MACROD2: variants seen among roughly 807,000 people sequenced by gnomAD.
MACROD2 encodes the protein mono-ADP ribosylhydrolase 2.
MACROD2 carries 36 observed loss-of-function variants against 70.4 expected under a neutral mutation model. The ratio of observed to expected loss-of-function variants is 0.51; its 90% CI spans 0.39 to 0.68. The LOEUF (loss-of-function observed/expected upper bound fraction) is 0.68. Ranked by LOEUF, MACROD2 falls within the 30% of genes least tolerant of loss-of-function variation. The pLI is 0.00. For synonymous variants in MACROD2, 172 were observed against 178.8 expected (o/e 0.96, Z 0.30); for missense variants, 496 against 538.4 (o/e 0.92, Z 0.78).
At chr20:15,383,327 T>A (rs993312033) in intron 6 of MACROD2, among the ~76,000 whole-genome samples, 3 of 152,194 alleles carry the variant, frequency 2.0e-5, no homozygotes, top group African/African-American at 7.2e-5. Context: ...ATTGAGTACT[T>A]TCAGTAAACC....
intron 5 of MACROD2, among the ~76,000 whole-genome samples, chr20:14,917,259 G>C (rs554037541): frequency 6.6e-6 from 1 of 150,408 alleles, no homozygotes; most frequent in East Asian, 1.9e-4. Flanking sequence ...GTGTGACATC[G>C]GGTCTCTATT....
intron 10 of MACROD2, among the ~76,000 whole-genome samples, chr20:15,913,052 T>G (rs2065259724): frequency 6.6e-6 from 1 of 152,190 alleles, no homozygotes; most frequent in Non-Finnish European, 1.5e-5. Context: ...AAATTCTTAC[T>G]CTGCTTACTT....
At chr20:15,352,105 G>A (rs2078234029) in intron 6 of MACROD2, among the ~76,000 whole-genome samples, 1 of 152,206 alleles carries the variant, frequency 6.6e-6, no homozygotes, top group South Asian at 2.1e-4. Context: ...TCCATGTGCA[G>A]CAGAGTGTAG....
chr20:14,923,723 C>T (rs1041291868), intron 5 of MACROD2, among the ~76,000 whole-genome samples: 20 of 149,670 alleles, frequency 1.3e-4, no homozygotes, highest in Non-Finnish European at 2.5e-4. Flanking sequence ...GGTGACGGCA[C>T]GGGCCTCCAG....
intron 5 of MACROD2, among the ~76,000 whole-genome samples, chr20:15,222,484 G>A (rs187747159): frequency 1.7e-3 from 262 of 152,262 alleles, no homozygotes; most frequent in South Asian, 0.017. Flanking sequence ...AAATTGGCCA[G>A]TAAGATTTAC....
intron 17 of MACROD2, among the ~76,000 whole-genome samples, chr20:16,048,034 A>G (rs1415136862): frequency 6.6e-6 from 1 of 152,268 alleles, no homozygotes. Flanking sequence ...TATGTGATCC[A>G]AAGTCATGCA....
intron 5 of MACROD2, among the ~76,000 whole-genome samples, chr20:14,924,904 AAT>A (rs1216560036): frequency 2.0e-5 from 3 of 152,194 alleles, no homozygotes; most frequent in African/African-American, 7.2e-5. Flanking sequence ...TAAGATTTGT[AAT>A]ATAAATAACC....
intron 6 of MACROD2, among the ~76,000 whole-genome samples, chr20:15,285,529 G>C (rs1454729185): frequency 6.6e-6 from 1 of 152,024 alleles, no homozygotes; most frequent in Non-Finnish European, 1.5e-5. Context: ...TTTGAAAATC[G>C]TACTTCAATA....
intron 8 of MACROD2, among the ~76,000 whole-genome samples, chr20:15,620,011 G>A (rs2049102197): frequency 6.6e-6 from 1 of 152,090 alleles, no homozygotes. Flanking sequence ...AGATAGCTGA[G>A]GCAGAGGCAG....
chr20:15,983,294 T>C (rs1354052097), intron 13 of MACROD2, among the ~76,000 whole-genome samples: 1 of 152,182 alleles, frequency 6.6e-6, no homozygotes, highest in Non-Finnish European at 1.5e-5. Context: ...GGCTTTACGA[T>C]GTCTTATTTT....
chr20:15,467,344 T>G (rs2046907049), intron 7 of MACROD2, among the ~76,000 whole-genome samples: 1 of 152,242 alleles, frequency 6.6e-6, no homozygotes, highest in South Asian at 2.1e-4. Flanking sequence ...TCAAATATAT[T>G]TGTTTGCATT....
At chr20:15,511,453 T>A (rs1210578418) in intron 8 of MACROD2, among the ~76,000 whole-genome samples, 1 of 152,042 alleles carries the variant, frequency 6.6e-6, no homozygotes, top group East Asian at 1.9e-4. Flanking sequence ...ATGGGGTCTT[T>A]AAAAAAAGGC....
intron 8 of MACROD2, among the ~76,000 whole-genome samples, chr20:15,766,418 A>T (rs62194690): frequency 0.16 from 24,701 of 152,190 alleles, 2,150 homozygotes; most frequent in Non-Finnish European, 0.2. Flanking sequence ...GATTACATTT[A>T]CCACTCACAA....
intron 9 of MACROD2, among the ~76,000 whole-genome samples, chr20:15,870,234 T>C (rs1205699784): frequency 3.7e-5 from 2 of 53,516 alleles, no homozygotes; most frequent in Non-Finnish European, 1.3e-4. Context: ...AGTTGGGTTT[T>C]ATATTATTAT....
intron 8 of MACROD2, among the ~76,000 whole-genome samples, chr20:15,822,558 G>A (rs1014950803): frequency 6.6e-6 from 1 of 152,090 alleles, no homozygotes; most frequent in African/African-American, 2.4e-5. Context: ...CTGGTTACAA[G>A]TAACAAATGT....
At chr20:15,462,257 A>T (rs1342037853) in intron 7 of MACROD2, among the ~76,000 whole-genome samples, 2 of 152,196 alleles carry the variant, frequency 1.3e-5, no homozygotes, top group Admixed American at 1.3e-4. Context: ...TGAAGGCATG[A>T]CTTGCATATG....
At chr20:15,139,201 G>A (rs562676833) in intron 5 of MACROD2, among the ~76,000 whole-genome samples, 30 of 152,160 alleles carry the variant, frequency 2.0e-4, no homozygotes, top group Non-Finnish European at 3.4e-4. Flanking sequence ...TCTTGCAGAA[G>A]CAATTGTAGA....
At chr20:15,226,019 A>G (rs1243351997) in intron 5 of MACROD2, among the ~76,000 whole-genome samples, 1 of 152,212 alleles carries the variant, frequency 6.6e-6, no homozygotes, top group Non-Finnish European at 1.5e-5. Flanking sequence ...AACGTGAACC[A>G]TGATTGATGC....
chr20:15,690,422 A>T (rs2050284804), intron 8 of MACROD2, among the ~76,000 whole-genome samples: 2 of 152,192 alleles, frequency 1.3e-5, no homozygotes, highest in South Asian at 4.1e-4. Context: ...GTTCCATTTT[A>T]GTCATGCCAA....
Sources: allele counts gnomAD v4.1 joint callset (sites outside exome capture counted in the v4.1 genomes callset), GRCh38; gene constraint gnomAD v4.1.1; transcripts MANE v1.5; gene names NCBI Gene and HGNC (gene_info 2026-07-23, HGNC 2026-07-21).